The following ZNF225 variants were observed in gnomAD, a reference collection of about 807,000 sequenced individuals.
ZNF225 encodes zinc finger protein 225.
Under a neutral mutation model 12.0 loss-of-function variants are expected in ZNF225, and 6 were observed. The observed-to-expected ratio is 0.50, with a 90% CI of 0.27 to 0.98. The LOEUF (loss-of-function observed/expected upper bound fraction) is 0.98, where lower values mean the gene tolerates loss of function less well. ZNF225 is among the 50% of genes least tolerant of loss of function. The probability of loss-of-function intolerance (pLI) is 0.11; values close to 1 mark genes in which losing one functional copy is unlikely to be tolerated. For missense variants in ZNF225, 763 were observed against 848.2 expected (o/e 0.90, Z 1.25); for synonymous variants, 271 against 283.2 (o/e 0.96, Z 0.43).
chr19:44,121,709 C>T (rs946007202), intron 4 of ZNF225, among the ~76,000 whole-genome samples: 3 of 152,140 alleles, frequency 2.0e-5, no homozygotes, highest in South Asian at 2.1e-4. Flanking sequence ...AAGGTGGTAT[C>T]GCATTGTGGT....
In ZNF225 at chr19:44,118,517, C is replaced by T. The variant is rs888708572; in HGVS notation, c.178C>T (p.Leu60=). The part of the protein sequence containing the change: ...QSLHRDTFHF[L]KEEKFWMMET... ...ACTCCACAGAGATACTTTCCACTTCCTAAAGGAAGAAAAGTTTTGGATGAT... is the reference window on the plus strand; with the variant it reads ...ACTCCACAGAGATACTTTCCACTTCTTAAAGGAAGAAAAGTTTTGGATGAT... The change falls in exon 4 of 5, where the codon CTA becomes TTA. Residue 60 remains leucine, a synonymous_variant. Transcript: ENST00000262894. The T allele has an allele frequency of 1.4e-5, 23 of 1,613,258 alleles. No homozygotes were observed. Among genetic ancestry groups the T allele is most frequent in the African/African-American group, 2.7e-5 (2 of 74,886 alleles).
At chr19:44,118,702 T>G in intron 4 of ZNF225, 128 bp downstream of exon 4, 2 of 939,134 alleles carry the variant, frequency 2.1e-6, no homozygotes, top group Admixed American at 5.9e-5. Flanking sequence ...CAGCTGACTT[T>G]CGGCTGGTTT....
intron 4 of ZNF225, among the ~76,000 whole-genome samples, chr19:44,126,515 G>T (rs1421950809): frequency 6.6e-6 from 1 of 152,120 alleles, no homozygotes; most frequent in East Asian, 1.9e-4. Context: ...GTGCTGGTTG[G>T]TCTCCCTCTA....
At chr19:44,121,036 A>T (rs1360851822) in intron 4 of ZNF225, among the ~76,000 whole-genome samples, 1 of 152,110 alleles carries the variant, frequency 6.6e-6, no homozygotes, top group Non-Finnish European at 1.5e-5. Context: ...AGCTGGGACT[A>T]CAGGCGCCCG....
At chr19:44,116,129 T>C (rs1162271515) in intron 2 of ZNF225, among the ~76,000 whole-genome samples, 4 of 152,210 alleles carry the variant, frequency 2.6e-5, no homozygotes. Flanking sequence ...CCCAAAGTGC[T>C]GGAATTGCAG....
intron 1 of ZNF225, among the ~76,000 whole-genome samples, chr19:44,114,941 A>T (rs955997949): frequency 6.7e-6 from 1 of 148,860 alleles, no homozygotes; most frequent in African/African-American, 2.5e-5. Flanking sequence ...ATTATTTTGA[A>T]TTTTTTTTTT....
rs151234973 is a variant in ZNF225 at position 44,119,328 on chromosome 19, G to A, written c.235+754G>A. On this transcript the variant is annotated intron_variant, in intron 4 of 4. Transcript: ENST00000262894. ...GTAACCAATGACCACACATTTAGTC[G>A]ACTAAACAACAAAAATTTATCATCT... Among the ~76,000 whole-genome samples, 361 of 152,166 alleles carry A rather than the reference G, an allele frequency of 2.4e-3. 3 individuals carry two copies. Among genetic ancestry groups the A allele is most frequent in the Middle Eastern group, 0.01 (3 of 294 alleles).
intron 4 of ZNF225, among the ~76,000 whole-genome samples, chr19:44,123,519 G>A (rs115880782): frequency 0.044 from 6,753 of 152,196 alleles, 186 homozygotes; most frequent in South Asian, 0.07. Flanking sequence ...GATGAATTAG[G>A]AAGGGTTCCT....
intron 1 of ZNF225, 75 bp from the exon 2 acceptor site, chr19:44,115,685 C>T (rs1967928266): frequency 2.9e-6 from 2 of 682,962 alleles, no homozygotes; most frequent in Non-Finnish European, 4.8e-6. Context: ...ATTTACAATA[C>T]ACATTCGTGT....
At chr19:44,118,689 T>C in intron 4 of ZNF225, 115 bp downstream of exon 4, 1 of 1,072,542 alleles carries the variant, frequency 9.3e-7, no homozygotes, top group Non-Finnish European at 1.3e-6. Context: ...TCCTGAATTA[T>C]TACAGCTGAC....
Position 44,131,659 on chromosome 19 carries a change from T to C in ZNF225, c.1045T>C (p.Cys349Arg). ...TGEKRYKCEE[C>R]GKRFIYRQDL... ...AGAGAAACGGTACAAATGTGAGGAA[T>C]GTGGAAAACGCTTCATTTATAGGCA... The change falls in exon 5 of 5, where the codon TGT becomes CGT. Residue 349 changes from cysteine to arginine, a missense_variant. Coordinates refer to ENST00000262894, the MANE Select transcript of ZNF225 (RefSeq NM_013362.4). 6.2e-7 allele frequency: 1 copy of C among 1,614,148 alleles called. No homozygotes were observed. Among genetic ancestry groups the C allele is most frequent in the Non-Finnish European group, 8.5e-7 (1 of 1,180,000 alleles).
chr19:44,124,223 T>C (rs1968104468), intron 4 of ZNF225, among the ~76,000 whole-genome samples: 1 of 152,130 alleles, frequency 6.6e-6, no homozygotes, highest in African/African-American at 2.4e-5. Flanking sequence ...CATTATTGTC[T>C]TTCAGTTTGA....
intron 4 of ZNF225, among the ~76,000 whole-genome samples, chr19:44,120,267 C>T (rs1178522393): frequency 6.6e-6 from 1 of 152,124 alleles, no homozygotes; most frequent in Non-Finnish European, 1.5e-5. Context: ...TGCTGTCTTG[C>T]ACTGTGTCTT....
Position 44,131,876 on chromosome 19 carries a change from C to G in ZNF225, c.1262C>G (p.Ala421Gly), listed in dbSNP as rs765142358. The G allele has an allele frequency of 8.1e-6, 13 of 1,613,552 alleles. No individual in the cohort carries two copies. Among genetic ancestry groups the G allele is most frequent in the African/African-American group, 5.4e-5 (4 of 74,730 alleles). The change falls in exon 5 of 5, where the codon GCG becomes GGG. Residue 421 changes from alanine to glycine, a missense_variant. Coordinates refer to ENST00000262894, the MANE Select transcript of ZNF225 (RefSeq NM_013362.4). Reference sequence around the variant, plus strand: ...TCACAACGTTATTCTCACCAGAGAGCGCACAGTGGAGAAAAGCCATATAGA... The same window carrying G: ...TCACAACGTTATTCTCACCAGAGAGGGCACAGTGGAGAAAAGCCATATAGA... Reference protein sequence around the residue: ...TNSQRYSHQRAHSGEKPYRCE... With the variant: ...TNSQRYSHQRGHSGEKPYRCE...
intron 4 of ZNF225, 102 bp downstream of exon 4, chr19:44,118,676 C>A: frequency 8.5e-7 from 1 of 1,179,024 alleles, no homozygotes; most frequent in Non-Finnish European, 1.2e-6. Flanking sequence ...GGCCAGACCT[C>A]TTTCCTGAAT....
intron 4 of ZNF225, chr19:44,129,170 G>A: frequency 1.8e-6 from 2 of 1,099,596 alleles, no homozygotes; most frequent in East Asian, 6.4e-5. Flanking sequence ...TCTTGTACAG[G>A]AATACTCTGA....
chr19:44,129,096 CAGGTAACCA>C, intron 4 of ZNF225: 1 of 1,231,598 alleles, frequency 8.1e-7, no homozygotes, highest in Non-Finnish European at 1.0e-6. Flanking sequence ...TTTTCTATTT[CAGGTAACCA>C]AGTTATTGTT....
chr19:44,115,639 A>G, intron 1 of ZNF225, 121 bp from the exon 2 acceptor site: 1 of 521,028 alleles, frequency 1.9e-6, no homozygotes, highest in Non-Finnish European at 3.4e-6. Context: ...GTTTTGGGTT[A>G]CTATGAATGA....
At chr19:44,130,263 G>A (rs1229153083) in intron 4 of ZNF225, 1 of 152,256 alleles carries the variant, frequency 6.6e-6, no homozygotes, top group Non-Finnish European at 1.5e-5. Flanking sequence ...GCTAGTTATG[G>A]TGGTATGTGC....
Sources: gnomAD v4.1 joint callset for allele counts (sites outside exome capture counted in the v4.1 genomes callset) on GRCh38, gnomAD v4.1.1 for gene constraint, MANE v1.5 for transcripts, NCBI Gene and HGNC (gene_info 2026-07-23, HGNC 2026-07-21) for gene names.